LRRTM4: variants seen among roughly 807,000 people sequenced by gnomAD.
LRRTM4 encodes the protein leucine rich repeat transmembrane neuronal 4.
LRRTM4 carries 25 observed loss-of-function variants against 47.6 expected under a neutral mutation model. That is an observed-to-expected ratio of 0.53 (90% CI 0.38 to 0.73). The LOEUF is 0.73. Among genes scored for constraint, LRRTM4 ranks in the 30% least tolerant of loss-of-function variants. The pLI is 0.00. For missense variants in LRRTM4, 638 were observed against 713.4 expected (o/e 0.89, Z 1.20); for synonymous variants, 311 against 269.5 (o/e 1.15, Z -1.51).
At chr2:76,896,688 TTAAA>T (rs758520951) in intron 3 of LRRTM4, among the ~76,000 whole-genome samples, 1 of 151,656 alleles carries the variant, frequency 6.6e-6, no homozygotes, top group Non-Finnish European at 1.5e-5. Context: ...TGTTATCTAA[TTAAA>T]TACTTAAGAG....
At position 77,088,659 on chromosome 2, in the gene LRRTM4, A is replaced by T. The variant is rs1360293962; in HGVS notation, c.1552-339743T>A. On this transcript the variant is annotated intron_variant, in intron 3 of 3. Transcript: ENST00000409884. The stretch of plus-strand genomic sequence containing the variant: ...ACAAAGCCTGTTTGGTGGTCTCTTC[A>T]CACGGACGCGCATGAAATTTGGTGC... 5.3e-5 allele frequency among the ~76,000 whole-genome samples: 8 copies of T among 152,152 alleles called. No individual in the cohort carries two copies. In the East Asian group the frequency reaches 1.6e-3, roughly 30 times the overall value.
chr2:77,001,905 C>T (rs1410815853), intron 3 of LRRTM4, among the ~76,000 whole-genome samples: 1 of 152,054 alleles, frequency 6.6e-6, no homozygotes, highest in Non-Finnish European at 1.5e-5. Flanking sequence ...TCAGCTCACC[C>T]CTCCTGTTAA....
chr2:77,217,049 G>C (rs1316581849), intron 3 of LRRTM4, among the ~76,000 whole-genome samples: 1 of 149,524 alleles, frequency 6.7e-6, no homozygotes, highest in African/African-American at 2.5e-5. Flanking sequence ...CTGCAGCCTG[G>C]GCGACAGAGT....
At position 76,928,468 on chromosome 2, in the gene LRRTM4, CGGA is replaced by C. The variant is rs1379963944; in HGVS notation, c.1552-179555_1552-179553del. 9.2e-5 allele frequency among the ~76,000 whole-genome samples: 14 copies of C among 152,216 alleles called. No homozygotes were observed. The South Asian group carries it at 2.7e-3, about 29-fold the overall frequency. On this transcript the variant is annotated intron_variant, in intron 3 of 3. Coordinates refer to ENST00000409884, the MANE Select transcript of LRRTM4 (RefSeq NM_001134745.3). ...TGCCTATGGGCCTGACCACTATCCA[CGGA>C]GGAGCTTTGAGGATTTTTGATGATA...
Position 77,137,748 on chromosome 2 carries a change from C to A in LRRTM4, c.1551+380570G>T, listed in dbSNP as rs563947355. ...GAGACCCATGTCACACGCAGGGACA[C>A]ACATAGGCTCAAAATAAAGGGATGG... On this transcript the variant is annotated intron_variant, in intron 3 of 3. Coordinates refer to ENST00000409884, the MANE Select transcript of LRRTM4 (RefSeq NM_001134745.3). Among the ~76,000 whole-genome samples, 4 of 152,172 alleles carry A rather than the reference C, an allele frequency of 2.6e-5. No individual in the cohort carries two copies. In the East Asian group the frequency reaches 7.7e-4, roughly 29 times the overall value.
intron 3 of LRRTM4, among the ~76,000 whole-genome samples, chr2:77,291,259 C>A (rs1424196107): frequency 2.6e-5 from 4 of 151,698 alleles, no homozygotes; most frequent in African/African-American, 4.8e-5. Context: ...AGAATTGAAA[C>A]TAATTTGGTA....
At chr2:77,350,332 C>CAAAAAAAAAAAAAAAAAAA (rs61365229) in intron 3 of LRRTM4, among the ~76,000 whole-genome samples, 1 of 39,182 alleles carries the variant, frequency 2.6e-5, no homozygotes, top group African/African-American at 8.8e-5. Flanking sequence ...GACTCCGTCT[C>CAAAAAAAAAAAAAAAAAAA]AAAAAAAAAA....
At chr2:77,174,180 G>A (rs1673130005) in intron 3 of LRRTM4, among the ~76,000 whole-genome samples, 1 of 151,978 alleles carries the variant, frequency 6.6e-6, no homozygotes, top group Non-Finnish European at 1.5e-5. Flanking sequence ...CCACAACTAG[G>A]ACACTGGTGG....
intron 3 of LRRTM4, among the ~76,000 whole-genome samples, chr2:77,207,372 T>TATATATATATATATATATACACACAC (rs59335400): frequency 1.1e-3 from 148 of 130,810 alleles, no homozygotes; most frequent in East Asian, 4.3e-3. Context: ...TATATATATA[T>TATATATATATATATATATACACACAC]ACACACACAC....
chr2:77,072,013 A>T (rs2103829883), intron 3 of LRRTM4, among the ~76,000 whole-genome samples: 1 of 152,100 alleles, frequency 6.6e-6, no homozygotes, highest in East Asian at 1.9e-4. Flanking sequence ...GAATTATGCA[A>T]CTCCTCTGTC....
chr2:77,136,468 C>T (rs1407723516), intron 3 of LRRTM4, among the ~76,000 whole-genome samples: 1 of 152,106 alleles, frequency 6.6e-6, no homozygotes, highest in African/African-American at 2.4e-5. Flanking sequence ...ACACCAAAAC[C>T]CCATCTGTAT....
chr2:77,498,941 C>G (rs1033033657), intron 3 of LRRTM4, among the ~76,000 whole-genome samples: 1 of 151,856 alleles, frequency 6.6e-6, no homozygotes, highest in African/African-American at 2.4e-5. Flanking sequence ...CTACAGATCT[C>G]TACATAGATT....
chr2:76,905,418 CT>C (rs1673793827), intron 3 of LRRTM4, among the ~76,000 whole-genome samples: 1 of 152,148 alleles, frequency 6.6e-6, no homozygotes, highest in Non-Finnish European at 1.5e-5. Flanking sequence ...AGCAGAAATA[CT>C]GGAAACTCTA....
intron 3 of LRRTM4, among the ~76,000 whole-genome samples, chr2:76,982,090 G>C (rs1676628956): frequency 1.3e-5 from 2 of 151,960 alleles, no homozygotes; most frequent in African/African-American, 4.8e-5. Flanking sequence ...CTTAACCCTA[G>C]GCCATACTCT....
At chr2:77,417,043 A>G (rs922761625) in intron 3 of LRRTM4, among the ~76,000 whole-genome samples, 1 of 152,162 alleles carries the variant, frequency 6.6e-6, no homozygotes, top group African/African-American at 2.4e-5. Context: ...CAACAAATTT[A>G]CAAGAAAAAA....
chr2:77,404,107 T>G (rs1674073676), intron 3 of LRRTM4, among the ~76,000 whole-genome samples: 3 of 152,008 alleles, frequency 2.0e-5, no homozygotes, highest in Non-Finnish European at 4.4e-5. Flanking sequence ...CAATATCATT[T>G]CTACTGTAGT....
At chr2:77,279,218 A>G (rs1676444256) in intron 3 of LRRTM4, among the ~76,000 whole-genome samples, 1 of 152,002 alleles carries the variant, frequency 6.6e-6, no homozygotes, top group Non-Finnish European at 1.5e-5. Context: ...AGACTCCAAA[A>G]TCTCTTTCCG....
chr2:77,170,372 A>T (rs887131955), intron 3 of LRRTM4, among the ~76,000 whole-genome samples: 1 of 152,180 alleles, frequency 6.6e-6, no homozygotes, highest in Non-Finnish European at 1.5e-5. Flanking sequence ...GAAAATGCAG[A>T]TCTAAATCCT....
At chr2:77,117,556 G>A (rs1423190602) in intron 3 of LRRTM4, among the ~76,000 whole-genome samples, 1 of 151,416 alleles carries the variant, frequency 6.6e-6, no homozygotes, top group Non-Finnish European at 1.5e-5. Context: ...ATATGGGCAT[G>A]GCAAATATCT....
Sources: gnomAD v4.1 joint callset for allele counts (sites outside exome capture counted in the v4.1 genomes callset) on GRCh38, gnomAD v4.1.1 for gene constraint, MANE v1.5 for transcripts, NCBI Gene and HGNC (gene_info 2026-07-23, HGNC 2026-07-21) for gene names.